Variants in NRG3 observed in about 807,000 individuals in gnomAD.
NRG3 encodes pro-neuregulin-3, membrane-bound isoform.
Under a neutral mutation model 66.9 loss-of-function variants are expected in NRG3, and 31 were observed. That is an observed-to-expected ratio of 0.46 (90% CI 0.35 to 0.63). The LOEUF is 0.63. NRG3 is among the 20% of genes least tolerant of loss of function. NRG3 has a pLI of 0.00. For synonymous variants in NRG3, 393 were observed against 359.4 expected (o/e 1.09, Z -1.06); for missense variants, 910 against 878.9 (o/e 1.04, Z -0.45).
intron 2 of NRG3, among the ~76,000 whole-genome samples, chr10:82,602,477 T>C (rs2047696770): frequency 6.6e-6 from 1 of 151,958 alleles, no homozygotes; most frequent in Non-Finnish European, 1.5e-5. Context: ...ATTTATTAAA[T>C]TATTATATTA....
At chr10:82,366,080 A>G (rs1195755687) in intron 2 of NRG3, among the ~76,000 whole-genome samples, 1 of 152,186 alleles carries the variant, frequency 6.6e-6, no homozygotes, top group Non-Finnish European at 1.5e-5. Context: ...CCTGAGTTCA[A>G]AGTCCTACTC....
chr10:82,533,517 A>ATT (rs59369363), intron 2 of NRG3, among the ~76,000 whole-genome samples: 1 of 151,610 alleles, frequency 6.6e-6, no homozygotes, highest in Admixed American at 6.6e-5. Context: ...GGAATTATCC[A>ATT]TTTTTTCCAA....
chr10:82,282,926 G>T (rs534612484), intron 1 of NRG3, among the ~76,000 whole-genome samples: 1 of 152,040 alleles, frequency 6.6e-6, no homozygotes, highest in Non-Finnish European at 1.5e-5. Flanking sequence ...ACTGGGGTCC[G>T]ATCCTGGCCC....
intron 6 of NRG3, 34 bp downstream of exon 6, chr10:82,959,109 C>A (rs752371199): frequency 6.5e-7 from 1 of 1,540,696 alleles, no homozygotes; most frequent in Non-Finnish European, 8.7e-7. Context: ...CCTCCTATAG[C>A]CTACCTCAGT....
intron 4 of NRG3, among the ~76,000 whole-genome samples, chr10:82,874,994 T>C (rs1304057963): frequency 6.6e-6 from 1 of 152,224 alleles, no homozygotes; most frequent in African/African-American, 2.4e-5. Context: ...AAATGAAATA[T>C]GAACCAGATC....
At chr10:82,935,725 G>A (rs1370140794) in intron 4 of NRG3, among the ~76,000 whole-genome samples, 1 of 152,138 alleles carries the variant, frequency 6.6e-6, no homozygotes, top group Non-Finnish European at 1.5e-5. Flanking sequence ...CTGGGTTCAA[G>A]CGATTCTCCT....
At chr10:82,207,447 C>T (rs915552689) in intron 1 of NRG3, among the ~76,000 whole-genome samples, 5 of 152,120 alleles carry the variant, frequency 3.3e-5, no homozygotes, top group African/African-American at 9.7e-5. Context: ...CATGTCTACT[C>T]ATAGAGTTTT....
chr10:82,060,499 G>T (rs1418854127), intron 1 of NRG3, among the ~76,000 whole-genome samples: 1 of 152,144 alleles, frequency 6.6e-6, no homozygotes, highest in African/African-American at 2.4e-5. Flanking sequence ...GTTATGCATA[G>T]ATCAAAGATG....
At chr10:82,489,604 A>G (rs923952487) in intron 2 of NRG3, among the ~76,000 whole-genome samples, 1 of 152,194 alleles carries the variant, frequency 6.6e-6, no homozygotes, top group African/African-American at 2.4e-5. Context: ...GCCTGGATTC[A>G]TTCATCAAAG....
chr10:82,323,110 G>T (rs1280169512), intron 1 of NRG3, among the ~76,000 whole-genome samples: 1 of 152,134 alleles, frequency 6.6e-6, no homozygotes, highest in Non-Finnish European at 1.5e-5. Context: ...TGTTCCACAA[G>T]AATTTATTTT....
rs1442399739 is a variant in NRG3, at chr10:82,985,044, C to A, written c.1584-54C>A. Reference sequence around the variant, plus strand: ...AAAGTGCTTTGTGGATTGAGTATTGCTCTAACAAAGCCTGGTAGAAAGCAG... The same window carrying A: ...AAAGTGCTTTGTGGATTGAGTATTGATCTAACAAAGCCTGGTAGAAAGCAG... On this transcript the variant is annotated intron_variant, in intron 8 of 8. Coordinates refer to ENST00000372141, the MANE Select transcript of NRG3 (RefSeq NM_001010848.4). The A allele has an allele frequency of 5.1e-6, 8 of 1,578,316 alleles. No homozygotes were observed. In the East Asian group the frequency reaches 1.6e-4, roughly 31 times the overall value.
chr10:82,340,888 G>A (rs568971397), intron 1 of NRG3: 1 of 151,686 alleles, frequency 6.6e-6, no homozygotes, highest in Non-Finnish European at 1.5e-5. Flanking sequence ...TGGTTAATGG[G>A]TACAAAAAAA....
intron 2 of NRG3, among the ~76,000 whole-genome samples, chr10:82,367,023 G>C (rs1589868761): frequency 6.6e-6 from 1 of 152,224 alleles, no homozygotes; most frequent in East Asian, 1.9e-4. Flanking sequence ...TACCTAGACA[G>C]TGTCAGATCT....
At chr10:82,229,101 C>G (rs2076317603) in intron 1 of NRG3, 1 of 152,136 alleles carries the variant, frequency 6.6e-6, no homozygotes, top group Admixed American at 6.6e-5. Flanking sequence ...GTGCTATATC[C>G]CACTCTGACC....
intron 1 of NRG3, among the ~76,000 whole-genome samples, chr10:81,979,187 CAAAAAAAAA>C (rs34468792): frequency 8.5e-5 from 7 of 81,980 alleles, no homozygotes. Context: ...GACTCCGTCT[CAAAAAAAAA>C]AAAAAAAAAA....
chr10:82,086,125 AT>A (rs2065712134), intron 1 of NRG3, among the ~76,000 whole-genome samples: 1 of 152,060 alleles, frequency 6.6e-6, no homozygotes. Context: ...ACAAAAAAAA[AT>A]CTAACCTGAA....
intron 2 of NRG3, among the ~76,000 whole-genome samples, chr10:82,592,431 A>T (rs753473055): frequency 1.4e-4 from 22 of 152,226 alleles, no homozygotes; most frequent in Non-Finnish European, 2.6e-4. Context: ...GATCTCAGTC[A>T]CATGGCAAAC....
chr10:82,176,157 A>G (rs888884456), intron 1 of NRG3, among the ~76,000 whole-genome samples: 2 of 152,192 alleles, frequency 1.3e-5, no homozygotes, highest in Non-Finnish European at 2.9e-5. Flanking sequence ...AAGTTTGTCT[A>G]TACTGCACAG....
intron 2 of NRG3, among the ~76,000 whole-genome samples, chr10:82,380,770 A>G (rs2085565714): frequency 6.6e-6 from 1 of 152,200 alleles, no homozygotes; most frequent in Non-Finnish European, 1.5e-5. Flanking sequence ...GTCACATTGC[A>G]CATGTACCTA....
Sources: allele counts gnomAD v4.1 joint callset (sites outside exome capture counted in the v4.1 genomes callset), GRCh38; gene constraint gnomAD v4.1.1; transcripts MANE v1.5; gene names NCBI Gene and HGNC (gene_info 2026-07-23, HGNC 2026-07-21).